The following IL2RB variants were observed in gnomAD, a reference collection of about 807,000 sequenced individuals.
IL2RB encodes interleukin 2 receptor subunit beta, also known as interleukin-2 receptor subunit beta.
Under a neutral mutation model 44.2 loss-of-function variants are expected in IL2RB, and 17 were observed. The ratio of observed to expected loss-of-function variants is 0.38; its 90% CI spans 0.26 to 0.58. IL2RB has a LOEUF of 0.58. IL2RB is among the 20% of genes least tolerant of loss of function. The pLI is 0.63. For missense variants in IL2RB, 624 were observed against 685.5 expected (o/e 0.91, Z 1.00); for synonymous variants, 286 against 297.9 (o/e 0.96, Z 0.41).
chr22:37,168,757 G>A (rs1167318558), intron 1 of IL2RB, among the ~76,000 whole-genome samples: 1 of 152,196 alleles, frequency 6.6e-6, no homozygotes, highest in African/African-American at 2.4e-5. Context: ...CAAGAGCCAA[G>A]GCACAGACTA....
chr22:37,128,755 C>T lies in IL2RB; in HGVS notation c.997G>A (p.Val333Met), dbSNP rs780229147. 5.0e-6 allele frequency: 8 copies of T among 1,614,130 alleles called. No homozygotes were observed. Among genetic ancestry groups the T allele is most frequent in the Non-Finnish European group, 6.8e-6 (8 of 1,179,992 alleles). The change falls in exon 10 of 10, where the codon GTG becomes ATG. Residue 333 changes from valine (V) to methionine (M), a missense_variant. Coordinates refer to ENST00000216223, the MANE Select transcript of IL2RB (RefSeq NM_000878.5). This position sits in a 1 kb window ranked among gnomAD's most constrained non-coding sequence, Gnocchi z 4.5. ...SPLEVLERDK[V>M]TQLLLQQDKV... ...TCCTGCTGCAGGAGCAGCTGCGTCACCTTGTCCCTCTCCAGCACTTCTAGT... is the reference window on the plus strand; with the variant it reads ...TCCTGCTGCAGGAGCAGCTGCGTCATCTTGTCCCTCTCCAGCACTTCTAGT...
intron 1 of IL2RB, among the ~76,000 whole-genome samples, chr22:37,163,294 G>T (rs1005657280): frequency 2.0e-5 from 3 of 152,168 alleles, no homozygotes; most frequent in African/African-American, 7.2e-5. Flanking sequence ...CCAGCTGTTT[G>T]CTGGCTTCAT....
chr22:37,172,623 C>A (rs796228075), intron 1 of IL2RB, among the ~76,000 whole-genome samples: 24 of 152,360 alleles, frequency 1.6e-4, no homozygotes, highest in African/African-American at 5.8e-4. Flanking sequence ...CCAGCCCCCA[C>A]CCAAGCCGCA....
intron 1 of IL2RB, chr22:37,166,692 G>A (rs1451453106): frequency 6.6e-6 from 1 of 152,198 alleles, no homozygotes; most frequent in African/African-American, 2.4e-5. Context: ...GGGCCCAGAA[G>A]TTGCCACCAG....
At chr22:37,155,226 G>A (rs188294545) in intron 1 of IL2RB, among the ~76,000 whole-genome samples, 16 of 152,226 alleles carry the variant, frequency 1.1e-4, no homozygotes, top group East Asian at 5.8e-4. Context: ...GCTCAGAGCC[G>A]TGTCATCTCC....
chr22:37,165,462 G>A (rs1256509075), intron 1 of IL2RB, among the ~76,000 whole-genome samples: 1 of 152,170 alleles, frequency 6.6e-6, no homozygotes, highest in East Asian at 1.9e-4. Context: ...TCAAGCGTCT[G>A]TATTATCCTG....
At chr22:37,140,367 G>C (rs1054911136) in intron 4 of IL2RB, among the ~76,000 whole-genome samples, 1 of 150,356 alleles carries the variant, frequency 6.7e-6, no homozygotes, top group Non-Finnish European at 1.5e-5. Context: ...TCATACATTC[G>C]CGTGATCACT....
chr22:37,158,423 G>A lies in IL2RB; in HGVS notation c.-33-14218C>T, dbSNP rs542006907. 9.7e-4 allele frequency among the ~76,000 whole-genome samples: 148 copies of A among 152,268 alleles called. 1 individual carries two copies. The highest frequency in any genetic ancestry group is 6.8e-3 in the Middle Eastern group (2 of 294). Reference sequence around the variant, plus strand: ...TAAAAAAAAATTAGCCGGGCGTGGTGGTGGGCACCCCGTAGTCCCAGCTAT... The same window carrying A: ...TAAAAAAAAATTAGCCGGGCGTGGTAGTGGGCACCCCGTAGTCCCAGCTAT... On this transcript the variant is annotated intron_variant, in intron 1 of 5. Transcript: ENST00000429622.
chr22:37,150,014 G>A, upstream of IL2RB: 2 of 656,180 alleles, frequency 3.0e-6, no homozygotes, highest in Non-Finnish European at 3.8e-6. Flanking sequence ...GGGGAGACGA[G>A]GCTTATGAGA....
chr22:37,148,950 C>T lies in IL2RB; in HGVS notation c.-34+875G>A, dbSNP rs6000581. On this transcript the variant is annotated intron_variant, in intron 1 of 9. Transcript: ENST00000216223. ...ATGTCCCCTCGTCCTCTCTGGCCAC[C>T]TCCACCTGCCACCCCCCTGCTCCCA... Among the ~76,000 whole-genome samples, 604 of 152,210 alleles carry T rather than the reference C, an allele frequency of 4.0e-3. 4 individuals carry two copies. Among genetic ancestry groups the T allele is most frequent in the African/African-American group, 0.014 (566 of 41,522 alleles).
rs113714217 is a variant in IL2RB, at chr22:37,142,491, C to G, written c.225G>C (p.Glu75Asp). 23 of 1,614,180 alleles carry G rather than the reference C, an allele frequency of 1.4e-5. No individual in the cohort carries two copies. In the African/African-American group the frequency reaches 1.9e-4, roughly 13 times the overall value. Residue 75 changes from glutamate to aspartate, a missense_variant, in exon 4 of 10, where the codon GAG becomes GAC. This residue lies in a region of IL2RB where 255 missense variants were observed against 339.9 expected (regional missense o/e 0.75). Transcript: ENST00000216223. The part of the protein sequence containing the change: ...PDRRRWNQTC[E>D]LLPVSQASWA... ...AGGATGCTTGACTCACGGGGAGCAG[C>G]TCACAGGTTTGGTTCCACCGCCTTT... is the stretch of plus-strand genomic sequence containing the variant.
At chr22:37,161,700 T>G (rs1922881641) in intron 1 of IL2RB, 2 of 150,388 alleles carry the variant, frequency 1.3e-5, no homozygotes, top group South Asian at 4.2e-4. Context: ...AGCTCCAGAC[T>G]GCTGACTGGG....
intron 1 of IL2RB, among the ~76,000 whole-genome samples, chr22:37,155,257 G>T (rs900115202): frequency 2.6e-5 from 4 of 152,094 alleles, no homozygotes; most frequent in Non-Finnish European, 4.4e-5. Flanking sequence ...GGCCCATGGT[G>T]GCCTCCGCCC....
At position 37,141,914 on chromosome 22, in the gene IL2RB, G is replaced by T. The variant is rs888038241; in HGVS notation, c.282+520C>A. Among the ~76,000 whole-genome samples the T allele has an allele frequency of 3.3e-5, 5 of 152,290 alleles. No individual in the cohort carries two copies. Among genetic ancestry groups the T allele is most frequent in the Non-Finnish European group, 7.4e-5 (5 of 68,008 alleles). On this transcript the variant is annotated intron_variant, in intron 4 of 9. Transcript: ENST00000216223. The surrounding 1 kb of genome is among the most constrained non-coding windows in gnomAD (Gnocchi z 4.4). ...GGAGGGCCTGAAAAACAAGGCCCTT[G>T]TTGGGCCTTGACCCAACAAGGTAGG... is the stretch of plus-strand genomic sequence containing the variant.
At chr22:37,163,064 T>C (rs550411386) in intron 1 of IL2RB, among the ~76,000 whole-genome samples, 1 of 152,188 alleles carries the variant, frequency 6.6e-6, no homozygotes, top group Non-Finnish European at 1.5e-5. Context: ...TCCAACTCAC[T>C]AGGGTCGCTC....
rs1922016635 is a variant in IL2RB, at chr22:37,142,487, G to A, written c.229C>T (p.Leu77Phe). 2 of 1,614,158 alleles carry A rather than the reference G, an allele frequency of 1.2e-6. No individual in the cohort carries two copies. The change falls in exon 4 of 10, where the codon CTC becomes TTC. Residue 77 changes from leucine to phenylalanine, a missense_variant. Physicochemically the swap from Leu to Phe is conservative, Grantham distance 22 (BLOSUM62 0). Transcript: ENST00000216223. ...GCCCAGGATGCTTGACTCACGGGGAGCAGCTCACAGGTTTGGTTCCACCGC... is the reference window on the plus strand; with the variant it reads ...GCCCAGGATGCTTGACTCACGGGGAACAGCTCACAGGTTTGGTTCCACCGC... ...RRRWNQTCEL[L>F]PVSQASWACN...
At chr22:37,154,698 C>T (rs926824923), upstream of IL2RB, among the ~76,000 whole-genome samples, 1 of 151,792 alleles carries the variant, frequency 6.6e-6, no homozygotes, top group African/African-American at 2.4e-5. Context: ...GCCTCAGCTT[C>T]CCGAGTAGCT....
At chr22:37,146,171 G>C (rs1244370892) in intron 1 of IL2RB, among the ~76,000 whole-genome samples, 2 of 152,018 alleles carry the variant, frequency 1.3e-5, no homozygotes, top group Admixed American at 1.3e-4. Context: ...GTGACTACTT[G>C]TTGTCTCTTC....
chr22:37,146,925 A>C (rs1455925648), intron 1 of IL2RB, among the ~76,000 whole-genome samples: 1 of 152,190 alleles, frequency 6.6e-6, no homozygotes, highest in African/African-American at 2.4e-5. Flanking sequence ...CATGGGTTCC[A>C]TCTCCTAAGG....
Sources: allele counts gnomAD v4.1 joint callset (sites outside exome capture counted in the v4.1 genomes callset), GRCh38; gene constraint gnomAD v4.1.1; regional missense constraint gnomAD v4.1.1; non-coding constraint Gnocchi (gnomAD v3.1); transcripts MANE v1.5; gene names NCBI Gene and HGNC (gene_info 2026-07-23, HGNC 2026-07-21).